Variants in GPCPD1 observed in about 807,000 individuals in gnomAD.
GPCPD1 encodes the protein glycerophosphocholine phosphodiesterase 1.
GPCPD1 carries 29 observed loss-of-function variants against 89.2 expected under a neutral mutation model. The observed-to-expected ratio is 0.33, with a 90% CI of 0.24 to 0.44. The LOEUF is 0.44. GPCPD1 is among the 20% of genes least tolerant of loss of function. The pLI, the probability that GPCPD1 is intolerant of heterozygous loss-of-function variation, is 1.00. For missense variants in GPCPD1, 594 were observed against 808.9 expected, an observed-to-expected ratio of 0.73 and a Z score of 3.22; for synonymous variants, 258 against 266.3, an observed-to-expected ratio of 0.97 and a Z score of 0.30.
intron 19 of GPCPD1, among the ~76,000 whole-genome samples, chr20:5,554,898 T>C (rs1985661419): frequency 1.3e-5 from 2 of 152,182 alleles, no homozygotes; most frequent in Admixed American, 1.3e-4. Context: ...AATATCAACA[T>C]TAACAGGCAT....
intron 15 of GPCPD1, among the ~76,000 whole-genome samples, chr20:5,562,091 G>GT (rs1986116681): frequency 1.3e-5 from 2 of 152,134 alleles, no homozygotes; most frequent in Non-Finnish European, 2.9e-5. Context: ...TGCTATCAGT[G>GT]TATCTAAACT....
chr20:5,592,478 T>C (rs1370331774), intron 4 of GPCPD1, among the ~76,000 whole-genome samples: 2 of 152,206 alleles, frequency 1.3e-5, no homozygotes, highest in Non-Finnish European at 2.9e-5. Context: ...TTTTGTCATT[T>C]TGTCTCTTTT....
intron 5 of GPCPD1, chr20:5,585,607 C>A (rs1403890287): frequency 2.7e-4 from 23 of 86,072 alleles, no homozygotes; most frequent in African/African-American, 3.6e-4. Flanking sequence ...TAAAAGAAAA[C>A]AACTTACAAA....
At chr20:5,607,715 T>C (rs545248513) in intron 1 of GPCPD1, among the ~76,000 whole-genome samples, 7 of 151,892 alleles carry the variant, frequency 4.6e-5, no homozygotes, top group African/African-American at 1.7e-4. Context: ...TCCGAGCACT[T>C]TGGGAGGCAT....
At chr20:5,593,692 G>A (rs1250997331) in intron 3 of GPCPD1, among the ~76,000 whole-genome samples, 2 of 152,170 alleles carry the variant, frequency 1.3e-5, no homozygotes, top group Non-Finnish European at 2.9e-5. Context: ...GCTTTTAAAA[G>A]GAAGGAAGGT....
chr20:5,581,913 G>A (rs539295105), intron 6 of GPCPD1, among the ~76,000 whole-genome samples: 3 of 144,384 alleles, frequency 2.1e-5, no homozygotes, highest in East Asian at 2.0e-4. Context: ...GGCCGGGCGC[G>A]GTGGCTCACG....
At chr20:5,560,158 A>C in intron 16 of GPCPD1, 82 bp from the exon 17 acceptor site, 5 of 969,346 alleles carry the variant, frequency 5.2e-6, no homozygotes, top group Non-Finnish European at 7.4e-6. Context: ...CTGGCAAGCT[A>C]TGATGAAAAA....
intron 4 of GPCPD1, among the ~76,000 whole-genome samples, 182 bp downstream of exon 4, chr20:5,593,145 T>C (rs1979449585): frequency 6.6e-6 from 1 of 152,256 alleles, no homozygotes; most frequent in East Asian, 1.9e-4. Context: ...TAAAATTCCA[T>C]GGCAGACATC....
At chr20:5,600,888 G>A (rs982270282) in intron 2 of GPCPD1, among the ~76,000 whole-genome samples, 2 of 152,104 alleles carry the variant, frequency 1.3e-5, no homozygotes, top group Non-Finnish European at 2.9e-5. Flanking sequence ...TACTCAGGAG[G>A]ATGAAGCAGG....
intron 12 of GPCPD1, among the ~76,000 whole-genome samples, chr20:5,569,506 C>A (rs111599458): frequency 4.6e-5 from 7 of 151,986 alleles, no homozygotes; most frequent in African/African-American, 1.7e-4. Context: ...GGATCCCCCC[C>A]CGCCATTATG....
intron 12 of GPCPD1, among the ~76,000 whole-genome samples, chr20:5,569,421 T>A (rs566604231): frequency 6.6e-6 from 1 of 152,266 alleles, no homozygotes; most frequent in South Asian, 2.1e-4. Context: ...AGGGACTATA[T>A]CATTATCATG....
Position 5,604,441 on chromosome 20 carries a change from C to A in GPCPD1, c.-28-1G>T. ...GATGGATTTATTTTATGATGTCGTG[C>A]TAGGAAAAAAAAGAAAAGTAACTTA... On this transcript the variant is annotated splice_acceptor_variant, in intron 1 of 19. Coordinates refer to ENST00000379019, the MANE Select transcript of GPCPD1 (RefSeq NM_019593.5). LOFTEE classifies it low-confidence loss of function (5UTR_SPLICE). The A allele has an allele frequency of 6.7e-7, 1 of 1,483,190 alleles. No individual in the cohort carries two copies. The highest frequency in any genetic ancestry group is 9.3e-7 in the Non-Finnish European group (1 of 1,077,182). The allele number at this position is 1,483,190 out of a possible 1,614,324, so 91.9% of individuals were successfully genotyped here.
chr20:5,599,159 AACAG>A (rs1487249901), intron 2 of GPCPD1, among the ~76,000 whole-genome samples: 10 of 152,226 alleles, frequency 6.6e-5, no homozygotes, highest in African/African-American at 1.9e-4. Flanking sequence ...TTCCAATTTT[AACAG>A]ACAAACACTA....
chr20:5,586,940 T>A (rs1004089055), intron 4 of GPCPD1, among the ~76,000 whole-genome samples: 3 of 152,108 alleles, frequency 2.0e-5, no homozygotes, highest in African/African-American at 7.2e-5. Context: ...TAACATCCGG[T>A]TTCATTCTTA....
chr20:5,594,349 G>T (rs1979549551), intron 3 of GPCPD1, among the ~76,000 whole-genome samples: 1 of 151,386 alleles, frequency 6.6e-6, no homozygotes. Flanking sequence ...AAGTGCAGTG[G>T]CGCGATCTCA....
chr20:5,572,704 T>C (rs781039166), intron 11 of GPCPD1, among the ~76,000 whole-genome samples: 8 of 151,668 alleles, frequency 5.3e-5, no homozygotes, highest in Non-Finnish European at 7.4e-5. Flanking sequence ...TCCAGACAAG[T>C]ACAGAGGAAT....
At chr20:5,585,096 T>C (rs551881490) in intron 5 of GPCPD1, 32 of 152,262 alleles carry the variant, frequency 2.1e-4, no homozygotes, top group Admixed American at 1.3e-3. Context: ...TTCTAAAAGA[T>C]AGAAACAAAA....
intron 2 of GPCPD1, among the ~76,000 whole-genome samples, chr20:5,603,419 G>A (rs944456311): frequency 6.6e-6 from 1 of 152,176 alleles, no homozygotes; most frequent in African/African-American, 2.4e-5. Context: ...GTGGGGACAG[G>A]GGAGAGAAGA....
intron 2 of GPCPD1, 85 bp from the exon 3 acceptor site, chr20:5,598,906 A>C (rs762218643): frequency 9.4e-5 from 77 of 820,568 alleles, no homozygotes; most frequent in Middle Eastern, 6.6e-4. Context: ...TAGTTCAACC[A>C]GATATGCTGC....
Sources: gnomAD v4.1 joint callset for allele counts (sites outside exome capture counted in the v4.1 genomes callset) on GRCh38, gnomAD v4.1.1 for gene constraint, MANE v1.5 for transcripts, NCBI Gene and HGNC (gene_info 2026-07-23, HGNC 2026-07-21) for gene names.